The following SCMH1 variants were observed in gnomAD, a reference collection of about 807,000 sequenced individuals.
SCMH1 encodes the protein polycomb protein SCMH1.
A neutral mutation model predicts 70.8 loss-of-function variants in SCMH1; 37 were observed. The observed-to-expected ratio is 0.52, with a 90% CI of 0.40 to 0.69. The LOEUF is 0.69. SCMH1 is among the 30% of genes least tolerant of loss of function. The pLI is 0.00. For missense variants in SCMH1, 607 were observed against 827.3 expected (o/e 0.73, Z 3.27); for synonymous variants, 292 against 307.4 (o/e 0.95, Z 0.52).
chr1:41,236,880 A>G (rs574698971), intron 1 of SCMH1, among the ~76,000 whole-genome samples: 183 of 152,316 alleles, frequency 1.2e-3, no homozygotes, highest in African/African-American at 4.1e-3. Flanking sequence ...GGTTGAATAC[A>G]CAGATGCAGA....
intron 10 of SCMH1, among the ~76,000 whole-genome samples, chr1:41,060,335 T>G (rs1652156616): frequency 6.6e-6 from 1 of 151,892 alleles, no homozygotes; most frequent in South Asian, 2.1e-4. Flanking sequence ...AAGACAAGAA[T>G]TATATCTAAT....
chr1:41,227,878 T>C (rs187193957), intron 1 of SCMH1, among the ~76,000 whole-genome samples: 1 of 152,212 alleles, frequency 6.6e-6, no homozygotes, highest in Non-Finnish European at 1.5e-5. Context: ...CTTGGGAGGC[T>C]GAGGGAGGAG....
chr1:41,031,839 T>C (rs1299557665), intron 13 of SCMH1, among the ~76,000 whole-genome samples: 3 of 152,162 alleles, frequency 2.0e-5, no homozygotes, highest in Admixed American at 1.3e-4. Flanking sequence ...TATACACACA[T>C]ATATATGATA....
intron 8 of SCMH1, among the ~76,000 whole-genome samples, chr1:41,093,375 G>A (rs1209159245): frequency 8.3e-6 from 1 of 121,030 alleles, no homozygotes; most frequent in Non-Finnish European, 1.7e-5. Context: ...CTGTCATGGG[G>A]TGGGGGGAGG....
chr1:41,035,093 T>C (rs1279156342), intron 13 of SCMH1, among the ~76,000 whole-genome samples: 1 of 152,336 alleles, frequency 6.6e-6, no homozygotes, highest in South Asian at 2.1e-4. Flanking sequence ...CAACCTTCCA[T>C]CTTTTCAGCT....
At chr1:41,106,751 G>T (rs976051427) in intron 8 of SCMH1, among the ~76,000 whole-genome samples, 5 of 151,464 alleles carry the variant, frequency 3.3e-5, no homozygotes, top group Admixed American at 6.6e-5. Context: ...GTGCAGTGGC[G>T]CAATCTCAGC....
rs536337783 is a variant in SCMH1 at position 41,205,529 on chromosome 1, C to T, written c.-117-19279G>A. 1.9e-4 allele frequency among the ~76,000 whole-genome samples: 29 copies of T among 152,088 alleles called. 1 individual carries two copies. Among genetic ancestry groups the T allele is most frequent in the South Asian group, 1.0e-3 (5 of 4,810 alleles). ...CCCCTGATTTCCCACTGCATCCTCG[C>T]GGGGGGGAGGGGCATCTGCCATTGC... On this transcript the variant is annotated intron_variant, in intron 1 of 14. Transcript: ENST00000337495.
chr1:41,186,809 T>C (rs1650336308), intron 1 of SCMH1, among the ~76,000 whole-genome samples: 6 of 152,216 alleles, frequency 3.9e-5, no homozygotes. Context: ...AGGTGTCATC[T>C]ATAAGCTAAG....
chr1:41,176,530 G>A (rs1572850400), intron 2 of SCMH1, among the ~76,000 whole-genome samples: 1 of 152,226 alleles, frequency 6.6e-6, no homozygotes, highest in East Asian at 1.9e-4. Flanking sequence ...ACGGCACCTG[G>A]AAAATCGGGT....
chr1:41,187,471 A>C (rs1349463149), intron 1 of SCMH1, among the ~76,000 whole-genome samples: 2 of 151,900 alleles, frequency 1.3e-5, no homozygotes, highest in African/African-American at 2.4e-5. Context: ...AAAAAAAAAA[A>C]AAAAACCCCA....
At chr1:41,120,531 G>C (rs1490262150) in intron 6 of SCMH1, among the ~76,000 whole-genome samples, 7 of 152,110 alleles carry the variant, frequency 4.6e-5, no homozygotes, top group African/African-American at 1.4e-4. Flanking sequence ...CTACCAGCAG[G>C]ATTCTTCAAG....
At chr1:41,031,956 A>G (rs2802550) in intron 13 of SCMH1, among the ~76,000 whole-genome samples, 54,379 of 152,064 alleles carry the variant, frequency 0.36, 11,093 homozygotes, top group Admixed American at 0.51. Context: ...ATTAGGAGGT[A>G]GGACCTCTGG....
intron 10 of SCMH1, among the ~76,000 whole-genome samples, chr1:41,057,519 G>A (rs916735405): frequency 6.6e-6 from 1 of 151,988 alleles, no homozygotes; most frequent in African/African-American, 2.4e-5. Flanking sequence ...CAAAGTACTG[G>A]GATCACAGGC....
intron 8 of SCMH1, among the ~76,000 whole-genome samples, chr1:41,102,998 T>C (rs1030967743): frequency 1.3e-5 from 2 of 152,120 alleles, no homozygotes; most frequent in African/African-American, 4.8e-5. Flanking sequence ...TTTGCCAGGT[T>C]TTTCTCATCT....
intron 2 of SCMH1, among the ~76,000 whole-genome samples, chr1:41,176,235 G>T (rs1454928425): frequency 2.7e-5 from 4 of 150,174 alleles, no homozygotes; most frequent in Non-Finnish European, 4.4e-5. Context: ...GAGAAAAGAG[G>T]AAGTATTCCA....
At chr1:41,029,008 T>TA (rs1571091158) in intron 13 of SCMH1, among the ~76,000 whole-genome samples, 1 of 152,188 alleles carries the variant, frequency 6.6e-6, no homozygotes, top group East Asian at 1.9e-4. Flanking sequence ...ACCAACATGG[T>TA]AAGGGGACTA....
chr1:41,072,397 T>C (rs535142502), intron 9 of SCMH1, among the ~76,000 whole-genome samples: 3 of 152,344 alleles, frequency 2.0e-5, no homozygotes, highest in Non-Finnish European at 2.9e-5. Context: ...CAATATTATA[T>C]GTATTCATAC....
At chr1:41,181,681 T>C (rs1326501632) in intron 2 of SCMH1, among the ~76,000 whole-genome samples, 1 of 152,168 alleles carries the variant, frequency 6.6e-6, no homozygotes, top group East Asian at 1.9e-4. Flanking sequence ...ATAGCAATCA[T>C]TAAAAAGTCA....
chr1:41,166,978 C>T (rs1245890308), intron 2 of SCMH1, among the ~76,000 whole-genome samples: 1 of 151,880 alleles, frequency 6.6e-6, no homozygotes, highest in Non-Finnish European at 1.5e-5. Flanking sequence ...TAGCTATGAG[C>T]TTGTCATATA....
Sources: allele counts gnomAD v4.1 joint callset (sites outside exome capture counted in the v4.1 genomes callset), GRCh38; gene constraint gnomAD v4.1.1; transcripts MANE v1.5; gene names NCBI Gene and HGNC (gene_info 2026-07-23, HGNC 2026-07-21).